The following CSMD3 variants were observed in gnomAD, a reference collection of about 807,000 sequenced individuals.
CSMD3 encodes the protein CUB and sushi domain-containing protein 3.
In CSMD3, 177 loss-of-function variants were observed where a neutral mutation model predicts 435.2. The observed-to-expected ratio is 0.41, with a 90% CI of 0.36 to 0.46. CSMD3 has a LOEUF of 0.46. CSMD3 is among the 20% of genes least tolerant of loss of function. The pLI is 0.34. For synonymous variants in CSMD3, 1,656 were observed against 1,520.5 expected, an observed-to-expected ratio of 1.09 and a Z score of -2.07; for missense variants, 4,265 against 4,504.6, an observed-to-expected ratio of 0.95 and a Z score of 1.52.
intron 6 of CSMD3, among the ~76,000 whole-genome samples, chr8:112,989,856 T>C (rs546849502): frequency 6.6e-6 from 1 of 152,098 alleles, no homozygotes; most frequent in Admixed American, 6.6e-5. Flanking sequence ...CCCACCCAAA[T>C]CTCATCTTGA....
chr8:112,661,497 A>G (rs1408051804), intron 17 of CSMD3, among the ~76,000 whole-genome samples: 1 of 152,132 alleles, frequency 6.6e-6, no homozygotes, highest in Non-Finnish European at 1.5e-5. Context: ...AATTGCAGGC[A>G]TTGTTTGGCA....
chr8:112,641,857 A>C (rs1406915036), intron 20 of CSMD3, among the ~76,000 whole-genome samples: 3 of 151,266 alleles, frequency 2.0e-5, no homozygotes. Context: ...AACAAACAAA[A>C]AACCCCAAAG....
At chr8:113,193,774 T>C (rs751533157) in intron 3 of CSMD3, among the ~76,000 whole-genome samples, 5 of 151,410 alleles carry the variant, frequency 3.3e-5, no homozygotes, top group South Asian at 2.1e-4. Context: ...TTACCGACTT[T>C]AAAACCTCTA....
At chr8:113,227,719 G>A (rs924028879) in intron 3 of CSMD3, among the ~76,000 whole-genome samples, 9 of 151,522 alleles carry the variant, frequency 5.9e-5, no homozygotes, top group Non-Finnish European at 8.9e-5. Flanking sequence ...TTTCCTTCAC[G>A]TTCCACCATA....
chr8:112,858,881 C>T (rs917069387), intron 11 of CSMD3, among the ~76,000 whole-genome samples: 8 of 151,814 alleles, frequency 5.3e-5, no homozygotes, highest in Non-Finnish European at 1.0e-4. Flanking sequence ...CACTTACAAC[C>T]TTCAAAAATG....
intron 61 of CSMD3, 145 bp from the exon 62 acceptor site, chr8:112,255,572 T>C (rs1815707731): frequency 1.4e-6 from 1 of 734,886 alleles, no homozygotes; most frequent in Non-Finnish European, 2.3e-6. Context: ...AAAAATTTAT[T>C]TTTTAGCTTA....
intron 13 of CSMD3, among the ~76,000 whole-genome samples, chr8:112,707,604 G>A (rs1248196898): frequency 6.6e-6 from 1 of 151,920 alleles, no homozygotes; most frequent in African/African-American, 2.4e-5. Context: ...ATAATACTAG[G>A]TCTTTGGAGC....
At chr8:112,512,803 T>C (rs1206360630) in intron 28 of CSMD3, among the ~76,000 whole-genome samples, 4 of 152,208 alleles carry the variant, frequency 2.6e-5, no homozygotes, top group Non-Finnish European at 4.4e-5. Context: ...TTCATCTACA[T>C]TGAAAACTGT....
chr8:112,327,734 T>C (rs1056490390), intron 45 of CSMD3, among the ~76,000 whole-genome samples: 2 of 152,200 alleles, frequency 1.3e-5, no homozygotes, highest in Non-Finnish European at 1.5e-5. Flanking sequence ...GTATTCCACA[T>C]GTCTGTATCT....
At chr8:113,062,202 A>G (rs1254283687) in intron 5 of CSMD3, among the ~76,000 whole-genome samples, 3 of 152,018 alleles carry the variant, frequency 2.0e-5, no homozygotes, top group East Asian at 3.9e-4. Flanking sequence ...TTGTACAAAA[A>G]AAGTTCATTG....
chr8:112,366,900 T>C (rs190204219), intron 38 of CSMD3, among the ~76,000 whole-genome samples: 2 of 152,334 alleles, frequency 1.3e-5, no homozygotes, highest in South Asian at 2.1e-4. Context: ...TTGAACTTGA[T>C]AGAGCTTTGT....
Position 112,732,072 on chromosome 8 carries a change from A to ATG in CSMD3, c.1973-42024_1973-42023dup, listed in dbSNP as rs199657717. On this transcript the variant is annotated intron_variant, in intron 13 of 70. Coordinates refer to ENST00000297405, the MANE Select transcript of CSMD3 (RefSeq NM_198123.2). ...TGTGTGAGTGTGTGTGTGTGTATGTATGTGTGTGTGTGTGGAGTGATGACA... is the reference window on the plus strand; with the variant it reads ...TGTGTGAGTGTGTGTGTGTGTATGTATGTGTGTGTGTGTGTGGAGTGATGACA... 4.0e-3 allele frequency among the ~76,000 whole-genome samples: 603 copies of ATG among 151,306 alleles called. 14 individuals carry two copies. In the East Asian group the frequency reaches 0.074, roughly 19 times the overall value.
At chr8:113,348,134 C>T (rs76697837) in intron 1 of CSMD3, among the ~76,000 whole-genome samples, 2,555 of 152,182 alleles carry the variant, frequency 0.017, 165 homozygotes, top group East Asian at 0.12. Flanking sequence ...CCATAATATG[C>T]GTTTAGCATA....
chr8:112,491,447 G>A (rs1485899550), intron 31 of CSMD3, among the ~76,000 whole-genome samples: 2 of 152,036 alleles, frequency 1.3e-5, no homozygotes, highest in African/African-American at 2.4e-5. Flanking sequence ...TTGAGGCCAG[G>A]AGTTTGAGAC....
intron 22 of CSMD3, among the ~76,000 whole-genome samples, chr8:112,606,417 T>G (rs1429261910): frequency 1.3e-5 from 2 of 152,138 alleles, no homozygotes; most frequent in Non-Finnish European, 2.9e-5. Context: ...AAGCTACTAA[T>G]AGCTCCACTG....
At chr8:113,157,706 G>A (rs1266771024) in intron 4 of CSMD3, among the ~76,000 whole-genome samples, 2 of 152,084 alleles carry the variant, frequency 1.3e-5, no homozygotes, top group African/African-American at 4.8e-5. Context: ...TGCTCAAAAT[G>A]CAGAGGTAGT....
chr8:113,287,635 A>G (rs1471257368), intron 2 of CSMD3, among the ~76,000 whole-genome samples: 1 of 152,048 alleles, frequency 6.6e-6, no homozygotes, highest in Non-Finnish European at 1.5e-5. Context: ...TGCTGGGTAT[A>G]CATGTAAATA....
At chr8:113,259,775 G>C (rs566015148) in intron 3 of CSMD3, among the ~76,000 whole-genome samples, 2 of 152,212 alleles carry the variant, frequency 1.3e-5, no homozygotes, top group South Asian at 4.1e-4. Flanking sequence ...AAAAGAGGAA[G>C]AATAATGTGA....
At chr8:112,610,270 T>C (rs1833151627) in intron 22 of CSMD3, among the ~76,000 whole-genome samples, 1 of 152,058 alleles carries the variant, frequency 6.6e-6, no homozygotes, top group African/African-American at 2.4e-5. Context: ...ATTAAAACAT[T>C]ACGTTGTATA....
Sources: allele counts gnomAD v4.1 joint callset (sites outside exome capture counted in the v4.1 genomes callset), GRCh38; gene constraint gnomAD v4.1.1; transcripts MANE v1.5; gene names NCBI Gene and HGNC (gene_info 2026-07-23, HGNC 2026-07-21).